Variants in FSIP1 observed in about 807,000 individuals in gnomAD.
FSIP1 encodes fibrous sheath interacting protein 1, also known as fibrous sheath-interacting protein 1.
A neutral mutation model predicts 60.9 loss-of-function variants in FSIP1; 65 were observed. The ratio of observed to expected loss-of-function variants is 1.07; its 90% confidence interval spans 0.87 to 1.31. The LOEUF (loss-of-function observed/expected upper bound fraction) is 1.31, where lower values mean the gene tolerates loss of function less well. Ranked by LOEUF, FSIP1 falls within the 40% of genes most tolerant of loss-of-function variation. FSIP1 has a pLI of 0.00. For missense variants in FSIP1, 675 were observed against 665.5 expected, an observed-to-expected ratio of 1.01 and a Z score of -0.16; for synonymous variants, 209 against 221.2, an observed-to-expected ratio of 0.94 and a Z score of 0.49.
chr15:39,780,381 C>A (rs1192797094), intron 1 of FSIP1, among the ~76,000 whole-genome samples: 1 of 152,054 alleles, frequency 6.6e-6, no homozygotes, highest in Non-Finnish European at 1.5e-5. Context: ...AAAAATTAGC[C>A]GGGAGTGGTG....
At chr15:39,633,091 CTTTT>C (rs869063502) in intron 10 of FSIP1, among the ~76,000 whole-genome samples, 1 of 112,868 alleles carries the variant, frequency 8.9e-6, no homozygotes, top group Admixed American at 9.3e-5. Context: ...GGCTATACTT[CTTTT>C]TTTTTTTTTT....
intron 10 of FSIP1, among the ~76,000 whole-genome samples, chr15:39,656,084 A>G (rs1893059171): frequency 6.6e-6 from 1 of 152,120 alleles, no homozygotes. Context: ...AGAGGGGAAG[A>G]CATGAATAGG....
intron 5 of FSIP1, among the ~76,000 whole-genome samples, chr15:39,762,063 T>G (rs990046727): frequency 2.0e-5 from 3 of 152,162 alleles, no homozygotes; most frequent in Non-Finnish European, 4.4e-5. Flanking sequence ...ATTCTCTGCA[T>G]TGTGTTTAGT....
intron 9 of FSIP1, among the ~76,000 whole-genome samples, chr15:39,722,796 G>A (rs1042388865): frequency 1.3e-5 from 2 of 152,224 alleles, no homozygotes; most frequent in African/African-American, 4.8e-5. Context: ...CTGGTGTGAT[G>A]GCATGCACCT....
chr15:39,602,294 C>T (rs4415979), intron 11 of FSIP1: 61,326 of 455,672 alleles, frequency 0.13, 4,712 homozygotes, highest in Non-Finnish European at 0.17. Context: ...CAGGAATGCC[C>T]ATAGCCAGGA....
At chr15:39,601,031 G>T in intron 11 of FSIP1, 105 bp from the exon 12 acceptor site, 1 of 828,620 alleles carries the variant, frequency 1.2e-6, no homozygotes, top group Non-Finnish European at 1.9e-6. Context: ...TACACATGAG[G>T]CAATAATCAC....
rs55979597 is a variant in FSIP1 at position 39,723,990 on chromosome 15, G to A, written c.1050+2599C>T. On this transcript the variant is annotated intron_variant, in intron 9 of 11. Transcript: ENST00000350221. ...AGCTCAAAAGATATTCTTTATTTTTGCATGCAAGAAGCATAAATTATTTCT... is the reference window on the plus strand; with the variant it reads ...AGCTCAAAAGATATTCTTTATTTTTACATGCAAGAAGCATAAATTATTTCT... 6.2e-3 allele frequency among the ~76,000 whole-genome samples: 947 copies of A among 152,312 alleles called. 4 individuals carry two copies. The highest frequency in any genetic ancestry group is 9.2e-3 in the Non-Finnish European group (627 of 68,024).
chr15:39,642,820 TC>T (rs1892431770), intron 10 of FSIP1, among the ~76,000 whole-genome samples: 1 of 152,224 alleles, frequency 6.6e-6, no homozygotes, highest in Non-Finnish European at 1.5e-5. Context: ...ATAAGTTGAT[TC>T]CTATGGCAAA....
chr15:39,692,039 G>T (rs191926783), intron 10 of FSIP1, among the ~76,000 whole-genome samples: 2 of 147,546 alleles, frequency 1.4e-5, no homozygotes, highest in Non-Finnish European at 3.0e-5. Flanking sequence ...GCTGCAAAAG[G>T]ATTATTTTCT....
At chr15:39,721,468 T>C (rs960183816) in intron 9 of FSIP1, among the ~76,000 whole-genome samples, 2 of 152,242 alleles carry the variant, frequency 1.3e-5, no homozygotes, top group Admixed American at 6.5e-5. Context: ...GGTTCTTGTT[T>C]CATTGCACAG....
At chr15:39,775,104 C>G (rs1898010571) in intron 2 of FSIP1, among the ~76,000 whole-genome samples, 1 of 152,212 alleles carries the variant, frequency 6.6e-6, no homozygotes, top group South Asian at 2.1e-4. Flanking sequence ...CAGCCTTGAA[C>G]TCCTGAAATC....
At chr15:39,780,112 C>T (rs1233730577) in intron 1 of FSIP1, among the ~76,000 whole-genome samples, 1 of 152,170 alleles carries the variant, frequency 6.6e-6, no homozygotes, top group Non-Finnish European at 1.5e-5. Context: ...TAGAGACTTG[C>T]AGGTCTCATT....
chr15:39,728,039 G>C lies in FSIP1; in HGVS notation c.892-1292C>G, dbSNP rs187447354. 2.6e-5 allele frequency among the ~76,000 whole-genome samples: 4 copies of C among 152,188 alleles called. No homozygotes were observed. The East Asian group carries it at 5.8e-4, about 22-fold the overall frequency. The stretch of plus-strand genomic sequence containing the variant: ...CAAGAACGCAATTCCATTCACAATA[G>C]CCATAAAAAGAGCAAAATACCTAGG... On this transcript the variant is annotated intron_variant, in intron 8 of 11. Transcript: ENST00000350221.
chr15:39,778,695 A>G (rs1469494577), intron 1 of FSIP1, among the ~76,000 whole-genome samples: 1 of 152,216 alleles, frequency 6.6e-6, no homozygotes, highest in Non-Finnish European at 1.5e-5. Flanking sequence ...CCTTAATTAT[A>G]TTGAGTGTTC....
intron 10 of FSIP1, among the ~76,000 whole-genome samples, chr15:39,654,177 G>T (rs1282007471): frequency 1.3e-5 from 2 of 152,170 alleles, no homozygotes; most frequent in African/African-American, 4.8e-5. Context: ...ATAAGTAAAA[G>T]ACTCTAAAAT....
At position 39,769,027 on chromosome 15, in the gene FSIP1, C is replaced by G. The variant is rs181172540; in HGVS notation, c.310+1400G>C. ...GGGCGCGGTGGCTCACGCCTGTAATCCCAGCACTTTGGGAGGCCGAGGCGG... is the reference window on the plus strand; with the variant it reads ...GGGCGCGGTGGCTCACGCCTGTAATGCCAGCACTTTGGGAGGCCGAGGCGG... On this transcript the variant is annotated intron_variant, in intron 3 of 11. Coordinates refer to ENST00000350221, the MANE Select transcript of FSIP1 (RefSeq NM_152597.5). Among the ~76,000 whole-genome samples the G allele has an allele frequency of 5.5e-3, 839 of 152,280 alleles. 6 individuals are homozygous for G. Among genetic ancestry groups the G allele is most frequent in the African/African-American group, 0.019 (779 of 41,562 alleles).
intron 9 of FSIP1, among the ~76,000 whole-genome samples, chr15:39,721,836 G>A (rs560918646): frequency 6.6e-6 from 1 of 152,306 alleles, no homozygotes; most frequent in South Asian, 2.1e-4. Flanking sequence ...AATTTTTCAA[G>A]AGAGAACTAG....
At chr15:39,682,174 C>T (rs750518567) in intron 10 of FSIP1, among the ~76,000 whole-genome samples, 6 of 152,184 alleles carry the variant, frequency 3.9e-5, no homozygotes, top group Non-Finnish European at 7.3e-5. Context: ...AATTTACTTT[C>T]CATAATTCAC....
chr15:39,739,561 T>C, intron 7 of FSIP1, 104 bp downstream of exon 7: 1 of 1,071,820 alleles, frequency 9.3e-7, no homozygotes, highest in Non-Finnish European at 1.4e-6. Flanking sequence ...CATTTATACA[T>C]TTATGATGGT....
Sources: allele counts gnomAD v4.1 joint callset (sites outside exome capture counted in the v4.1 genomes callset), GRCh38; gene constraint gnomAD v4.1.1; transcripts MANE v1.5; gene names NCBI Gene and HGNC (gene_info 2026-07-23, HGNC 2026-07-21).